SGTB: variants seen among roughly 807,000 people sequenced by gnomAD.
SGTB encodes the protein small glutamine rich tetratricopeptide repeat co-chaperone beta.
In SGTB, 19 loss-of-function variants were observed where a neutral mutation model predicts 43.9. That is an observed-to-expected ratio of 0.43 (90% CI 0.30 to 0.63). The LOEUF is 0.63. Ranked by LOEUF, SGTB falls within the 30% of genes least tolerant of loss-of-function variation. The probability of loss-of-function intolerance (pLI) is 0.12; values close to 1 mark genes in which losing one functional copy is unlikely to be tolerated. For synonymous variants in SGTB, 116 were observed against 117.3 expected (o/e 0.99, Z 0.07); for missense variants, 304 against 358.9 (o/e 0.85, Z 1.24).
At chr5:65,674,646 T>C (rs1412066247) in intron 8 of SGTB, among the ~76,000 whole-genome samples, 1 of 152,234 alleles carries the variant, frequency 6.6e-6, no homozygotes, top group Non-Finnish European at 1.5e-5. Flanking sequence ...GCCTTTTTTA[T>C]GAGTCACAAA....
At chr5:65,678,447 A>G (rs1474984441) in intron 8 of SGTB, among the ~76,000 whole-genome samples, 1 of 152,244 alleles carries the variant, frequency 6.6e-6, no homozygotes, top group Non-Finnish European at 1.5e-5. Context: ...ATTCAATGCT[A>G]TTCCCATTAA....
At chr5:65,678,510 T>C (rs1490982546) in intron 8 of SGTB, among the ~76,000 whole-genome samples, 1 of 152,206 alleles carries the variant, frequency 6.6e-6, no homozygotes, top group Non-Finnish European at 1.5e-5. Flanking sequence ...AAAATTCATA[T>C]GGAACCAAAA....
chr5:65,709,448 G>A (rs143909884), intron 3 of SGTB, among the ~76,000 whole-genome samples: 3 of 149,818 alleles, frequency 2.0e-5, no homozygotes, highest in East Asian at 2.0e-4. Context: ...GCATGATCTC[G>A]GCTCACTGCA....
chr5:65,671,975 G>A lies in SGTB; in HGVS notation c.743C>T (p.Ala248Val). The A allele has an allele frequency of 6.2e-7, 1 of 1,613,954 alleles. No individual in the cohort carries two copies. The highest frequency in any genetic ancestry group is 8.5e-7 in the Non-Finnish European group (1 of 1,179,958). The change falls in exon 10 of 11, where the codon GCC becomes GTC. Residue 248 changes from alanine (A) to valine (V), a missense_variant. Ala to Val is a moderately conservative substitution (Grantham distance 64, BLOSUM62 0). Coordinates refer to ENST00000381007, the MANE Select transcript of SGTB (RefSeq NM_019072.3). ...QQLMSGMMTN[A>V]IGGPAAGVGG... is the part of the protein sequence containing the mutation. ...AACTCCAGCAGCAGGTCCCCCAATG[G>A]CATTTGTCATCATTCCTGACATTCT...
intron 10 of SGTB, among the ~76,000 whole-genome samples, chr5:65,670,573 T>TA (rs374782973): frequency 3.3e-5 from 5 of 152,032 alleles, no homozygotes; most frequent in African/African-American, 9.6e-5. Context: ...ACACCCATGC[T>TA]AAAAAAAATA....
chr5:65,699,052 A>G (rs1757764174), intron 5 of SGTB, among the ~76,000 whole-genome samples: 1 of 152,184 alleles, frequency 6.6e-6, no homozygotes, highest in South Asian at 2.1e-4. Context: ...AAGAAAAAAA[A>G]ATCATTATAT....
At chr5:65,671,172 G>T (rs1216542695) in intron 10 of SGTB, among the ~76,000 whole-genome samples, 1 of 152,130 alleles carries the variant, frequency 6.6e-6, no homozygotes. Context: ...ACCTTCATCT[G>T]TGTCCCTGAG....
intron 4 of SGTB, among the ~76,000 whole-genome samples, chr5:65,707,939 C>T (rs1757968649): frequency 6.6e-6 from 1 of 152,104 alleles, no homozygotes; most frequent in African/African-American, 2.4e-5. Flanking sequence ...ACCTGGCTCC[C>T]GTCTATAGCT....
chr5:65,680,578 G>A, intron 7 of SGTB, 22 bp from the exon 8 acceptor site: 2 of 1,613,960 alleles, frequency 1.2e-6, no homozygotes, highest in Non-Finnish European at 8.5e-7. Flanking sequence ...TTATATCTGA[G>A]AATCAGTCCA....
At chr5:65,677,146 C>A (rs1757297934) in intron 8 of SGTB, among the ~76,000 whole-genome samples, 1 of 151,832 alleles carries the variant, frequency 6.6e-6, no homozygotes, top group Admixed American at 6.6e-5. Context: ...ACCACTGACC[C>A]CACAGAAATA....
intron 3 of SGTB, among the ~76,000 whole-genome samples, chr5:65,709,658 T>A (rs1758007830): frequency 6.6e-6 from 1 of 152,222 alleles, no homozygotes; most frequent in Admixed American, 6.5e-5. Flanking sequence ...ATTACAGGCA[T>A]GAGCCACTGC....
chr5:65,684,885 A>C (rs1274419672), intron 6 of SGTB, among the ~76,000 whole-genome samples: 2 of 152,194 alleles, frequency 1.3e-5, no homozygotes, highest in South Asian at 2.1e-4. Flanking sequence ...AAAAAAGGGC[A>C]TTCTGTGTAG....
chr5:65,696,522 T>C (rs945783087), intron 5 of SGTB, among the ~76,000 whole-genome samples: 3 of 152,232 alleles, frequency 2.0e-5, no homozygotes, highest in Non-Finnish European at 4.4e-5. Flanking sequence ...TGCTTCAGTA[T>C]CTTTTATACA....
At chr5:65,710,835 C>T (rs1758030105) in intron 3 of SGTB, among the ~76,000 whole-genome samples, 1 of 151,944 alleles carries the variant, frequency 6.6e-6, no homozygotes, top group South Asian at 2.1e-4. Flanking sequence ...ACTAAAAATA[C>T]AAAAATTAGC....
chr5:65,689,757 G>A (rs10075286), intron 5 of SGTB, among the ~76,000 whole-genome samples: 2,616 of 152,172 alleles, frequency 0.017, 76 homozygotes, highest in African/African-American at 0.06. Context: ...GGGAGGAGAA[G>A]TCTGGCAGAC....
chr5:65,709,441 T>C (rs1183330772), intron 3 of SGTB, among the ~76,000 whole-genome samples: 1 of 151,570 alleles, frequency 6.6e-6, no homozygotes, highest in South Asian at 2.1e-4. Context: ...TGCAGTGGCA[T>C]GATCTCGGCT....
At chr5:65,687,899 G>C (rs1163232956) in intron 5 of SGTB, among the ~76,000 whole-genome samples, 1 of 152,132 alleles carries the variant, frequency 6.6e-6, no homozygotes, top group Non-Finnish European at 1.5e-5. Flanking sequence ...CCCCCAAGTA[G>C]CTGGGATTAC....
At chr5:65,705,526 T>C (rs1422508111) in intron 4 of SGTB, among the ~76,000 whole-genome samples, 1 of 152,148 alleles carries the variant, frequency 6.6e-6, no homozygotes, top group Non-Finnish European at 1.5e-5. Flanking sequence ...ATCTCAAAGG[T>C]ATCTGTGATT....
intron 5 of SGTB, among the ~76,000 whole-genome samples, chr5:65,697,383 C>A (rs374925700): frequency 2.4e-4 from 36 of 152,240 alleles, no homozygotes; most frequent in African/African-American, 7.9e-4. Flanking sequence ...AGACTATTCT[C>A]ATCAAAAATA....
Sources: allele counts gnomAD v4.1 joint callset (sites outside exome capture counted in the v4.1 genomes callset), GRCh38; gene constraint gnomAD v4.1.1; transcripts MANE v1.5; gene names NCBI Gene and HGNC (gene_info 2026-07-23, HGNC 2026-07-21).